Variants in SF3B3 observed in about 807,000 individuals in gnomAD.
SF3B3 encodes splicing factor 3b subunit 3, also known as SAP 130.
In SF3B3, 33 loss-of-function variants were observed where a neutral mutation model predicts 139.2. The ratio of observed to expected loss-of-function variants is 0.24; its 90% CI spans 0.18 to 0.32. The LOEUF is 0.32. Among genes scored for constraint, SF3B3 ranks in the 10% least tolerant of loss-of-function variants. SF3B3 has a pLI of 1.00. For missense variants in SF3B3, 818 were observed against 1,509.4 expected, an observed-to-expected ratio of 0.54 and a Z score of 7.59; for synonymous variants, 596 against 563.6, an observed-to-expected ratio of 1.06 and a Z score of -0.81.
chr16:70,555,122 A>G lies in SF3B3; in HGVS notation c.1626A>G (p.Lys542=). The change falls in exon 13 of 26, where the codon AAA becomes AAG. Residue 542 remains lysine, a synonymous_variant. Transcript: ENST00000302516. The part of the protein sequence containing the change: ...RVNEWKTPGK[K]TIVKCAVNQR... ...ATGAGTGGAAGACCCCTGGAAAGAA[A>G]ACAATTGTGAAGTGTGCAGTGAACC... The G allele has an allele frequency of 6.2e-7, 1 of 1,614,160 alleles. No individual in the cohort carries two copies. Among genetic ancestry groups the G allele is most frequent in the Non-Finnish European group, 8.5e-7 (1 of 1,180,012 alleles).
At chr16:70,548,062 C>T (rs1272484900) in intron 10 of SF3B3, among the ~76,000 whole-genome samples, 1 of 152,124 alleles carries the variant, frequency 6.6e-6, no homozygotes, top group South Asian at 2.1e-4. Flanking sequence ...CTGATTGATT[C>T]CCAGTGGTTA....
intron 15 of SF3B3, among the ~76,000 whole-genome samples, chr16:70,559,710 A>T (rs562763292): frequency 1.7e-4 from 26 of 152,180 alleles, no homozygotes; most frequent in Admixed American, 6.5e-4. Flanking sequence ...ATAAAAATTT[A>T]AAAAAATAGA....
At chr16:70,557,647 G>T (rs1391779646) in intron 15 of SF3B3, among the ~76,000 whole-genome samples, 1 of 152,090 alleles carries the variant, frequency 6.6e-6, no homozygotes. Flanking sequence ...TTTTGGGAGA[G>T]GGTTGTTGTT....
chr16:70,569,354 G>A (rs1415816010), intron 23 of SF3B3, among the ~76,000 whole-genome samples: 1 of 152,194 alleles, frequency 6.6e-6, no homozygotes, highest in East Asian at 1.9e-4. Context: ...CTGCTCTGAG[G>A]TGTGTCCTGG....
At chr16:70,545,672 G>T (rs915542008) in intron 10 of SF3B3, among the ~76,000 whole-genome samples, 13 of 152,132 alleles carry the variant, frequency 8.5e-5, no homozygotes, top group Admixed American at 1.3e-4. Context: ...ATTGGAACAC[G>T]CCCAAGATAA....
At position 70,555,047 on chromosome 16, in the gene SF3B3, C is replaced by T; in HGVS notation, c.1555-4C>T. On this transcript the variant is annotated splice_polypyrimidine_tract_variant and splice_region_variant and intron_variant, in intron 12 of 25. Transcript: ENST00000302516. ...GTCAGGTTTCTTTCTGTTACTGACT[C>T]TAGGTCTATCCAGATGGCATTCGGC... 6 of 1,613,720 alleles carry T rather than the reference C, an allele frequency of 3.7e-6. No homozygotes were observed. Among genetic ancestry groups the T allele is most frequent in the Non-Finnish European group, 5.1e-6 (6 of 1,179,760 alleles).
In SF3B3 at chr16:70,548,437, T is replaced by C. The variant is rs777342483; in HGVS notation, c.1397T>C (p.Ile466Thr). 3.1e-6 allele frequency: 5 copies of C among 1,613,758 alleles called. No individual in the cohort carries two copies. In the South Asian group the frequency reaches 4.4e-5, roughly 14 times the overall value. The change falls in exon 11 of 26, where the codon ATT becomes ACT. Residue 466 changes from isoleucine (I) to threonine (T), a missense_variant. Physicochemically the swap from Ile to Thr is moderately conservative, Grantham distance 89. Transcript: ENST00000302516. ...GCTGTCTGGACAGTGCGTCGACACATTGAAGGTAAGCAGCTTTTTCCCAAT... is the reference window on the plus strand; with the variant it reads ...GCTGTCTGGACAGTGCGTCGACACACTGAAGGTAAGCAGCTTTTTCCCAAT... The part of the protein sequence containing the change: ...PNAVWTVRRH[I>T]EDEFDAYIIV...
At chr16:70,561,363 T>G (rs1048420502) in intron 16 of SF3B3, 7 of 321,976 alleles carry the variant, frequency 2.2e-5, no homozygotes, top group African/African-American at 1.5e-4. Flanking sequence ...CTTGTGGTAC[T>G]GTTTTCATTT....
chr16:70,572,053 C>T lies in SF3B3; in HGVS notation c.*240C>T. 2 of 653,194 alleles carry T rather than the reference C, an allele frequency of 3.1e-6. No individual in the cohort carries two copies. Among genetic ancestry groups the T allele is most frequent in the South Asian group, 1.5e-5 (1 of 66,132 alleles). 40.5% of individuals were successfully genotyped at this position (653,194 alleles called of 1,614,324 possible). A position where few individuals can be genotyped will look rare whatever the true frequency, so the allele number is the denominator to read the frequency against. The stretch of plus-strand genomic sequence containing the variant: ...GTACATGATACATGACCCCAGGTTC[C>T]AGTGTAGAACCTGAGTCCCCCATTC... On this transcript the variant is annotated 3_prime_UTR_variant, in exon 26 of 26. Transcript: ENST00000302516.
At chr16:70,530,708 C>G in intron 3 of SF3B3, 37 bp from the exon 4 acceptor site, 1 of 1,551,846 alleles carries the variant, frequency 6.4e-7, no homozygotes, top group Non-Finnish European at 8.8e-7. Flanking sequence ...TTCTCATTAT[C>G]TGGGAATCTT....
chr16:70,533,736 A>T (rs1377531870), intron 5 of SF3B3, among the ~76,000 whole-genome samples: 1 of 152,198 alleles, frequency 6.6e-6, no homozygotes, highest in Admixed American at 6.5e-5. Context: ...TTGCACTTCA[A>T]CTGATGTCTA....
At chr16:70,528,230 C>T (rs1207875891) in intron 2 of SF3B3, among the ~76,000 whole-genome samples, 2 of 140,478 alleles carry the variant, frequency 1.4e-5, no homozygotes, top group Admixed American at 7.5e-5. Flanking sequence ...AGTAGTGCGA[C>T]CTCGGCTCAC....
intron 16 of SF3B3, 43 bp from the exon 17 acceptor site, chr16:70,561,587 T>C (rs1316528942): frequency 2.5e-6 from 4 of 1,593,378 alleles, no homozygotes; most frequent in Non-Finnish European, 3.4e-6. Context: ...ATTTGTATTT[T>C]TTCCCAAACC....
intron 11 of SF3B3, among the ~76,000 whole-genome samples, chr16:70,551,854 G>A (rs1254752017): frequency 6.6e-6 from 1 of 152,106 alleles, no homozygotes; most frequent in African/African-American, 2.4e-5. Context: ...TTAATCTGCA[G>A]TCACTCTAGT....
intron 11 of SF3B3, among the ~76,000 whole-genome samples, chr16:70,549,858 G>T (rs1313657625): frequency 6.6e-6 from 1 of 152,174 alleles, no homozygotes; most frequent in Non-Finnish European, 1.5e-5. Context: ...CTGGGAGGCG[G>T]AGGTTGCAGT....
chr16:70,543,784 A>G (rs902480781), intron 9 of SF3B3, among the ~76,000 whole-genome samples: 4 of 152,114 alleles, frequency 2.6e-5, no homozygotes, highest in East Asian at 1.9e-4. Context: ...TCTTTCTGCC[A>G]TGGATCTTTT....
At chr16:70,536,021 A>G (rs184256044) in intron 6 of SF3B3, among the ~76,000 whole-genome samples, 13 of 152,274 alleles carry the variant, frequency 8.5e-5, no homozygotes, top group Admixed American at 6.5e-4. Context: ...CAGATTGCCA[A>G]TATCATACCC....
chr16:70,558,937 T>G (rs1165045916), intron 15 of SF3B3, among the ~76,000 whole-genome samples: 2 of 152,154 alleles, frequency 1.3e-5, no homozygotes, highest in African/African-American at 4.8e-5. Context: ...TTGGGGTAGC[T>G]ATAGTATCGG....
chr16:70,558,426 A>G (rs935220917), intron 15 of SF3B3, among the ~76,000 whole-genome samples: 2 of 152,060 alleles, frequency 1.3e-5, no homozygotes, highest in African/African-American at 2.4e-5. Flanking sequence ...GCCAGTTTTA[A>G]TGTTTTATTA....
Sources: gnomAD v4.1 joint callset for allele counts (sites outside exome capture counted in the v4.1 genomes callset) on GRCh38, gnomAD v4.1.1 for gene constraint, MANE v1.5 for transcripts, NCBI Gene and HGNC (gene_info 2026-07-23, HGNC 2026-07-21) for gene names.